HSD17B2: variants seen among roughly 807,000 people sequenced by gnomAD.
The protein encoded by HSD17B2 is hydroxysteroid 17-beta dehydrogenase 2, also known as 17-beta-hydroxysteroid dehydrogenase type 2.
A neutral mutation model predicts 26.9 loss-of-function variants in HSD17B2; 32 were observed. That is an observed-to-expected ratio of 1.19 (90% CI 0.90 to 1.60). The LOEUF is 1.60. Among genes scored for constraint, HSD17B2 ranks in the 40% most tolerant of loss-of-function variants. HSD17B2 has a pLI of 0.00. For synonymous variants in HSD17B2, 246 were observed against 186.7 expected (o/e 1.32, Z -2.59); for missense variants, 613 against 468.6 (o/e 1.31, Z -2.85).
intron 1 of HSD17B2, among the ~76,000 whole-genome samples, chr16:82,057,422 T>C (rs9929854): frequency 0.16 from 23,644 of 152,036 alleles, 5,377 homozygotes; most frequent in African/African-American, 0.5. Context: ...TGCTCTCGAT[T>C]TCCTGACCTC....
At chr16:82,045,583 G>A (rs188373602) in intron 1 of HSD17B2, among the ~76,000 whole-genome samples, 13 of 152,308 alleles carry the variant, frequency 8.5e-5, no homozygotes, top group African/African-American at 2.4e-4. Flanking sequence ...GAATATAGGC[G>A]ATGAGAGTTC....
chr16:82,054,821 AT>A (rs968167660), intron 1 of HSD17B2, among the ~76,000 whole-genome samples: 4 of 152,038 alleles, frequency 2.6e-5, no homozygotes, highest in African/African-American at 7.2e-5. Flanking sequence ...AAATATTTCT[AT>A]TTTTTTTAAA....
At chr16:82,046,462 C>T (rs572599284) in intron 1 of HSD17B2, among the ~76,000 whole-genome samples, 1 of 152,148 alleles carries the variant, frequency 6.6e-6, no homozygotes, top group East Asian at 1.9e-4. Flanking sequence ...GTGGCTCACG[C>T]CTGTAATCCC....
chr16:82,053,106 C>T (rs1914157839), intron 1 of HSD17B2, among the ~76,000 whole-genome samples: 1 of 152,250 alleles, frequency 6.6e-6, no homozygotes, highest in Non-Finnish European at 1.5e-5. Context: ...GTTTACTACA[C>T]ATGAAATTTG....
chr16:82,079,379 A>G (rs1904325962), intron 3 of HSD17B2, among the ~76,000 whole-genome samples: 1 of 152,194 alleles, frequency 6.6e-6, no homozygotes, highest in Admixed American at 6.5e-5. Flanking sequence ...CTCGGCTTTC[A>G]GATGACTACC....
At chr16:82,065,088 G>A (rs567207193) in intron 1 of HSD17B2, among the ~76,000 whole-genome samples, 14 of 152,200 alleles carry the variant, frequency 9.2e-5, no homozygotes, top group Non-Finnish European at 1.9e-4. Context: ...AGGGGAAGCT[G>A]GGAAGCTCTC....
intron 1 of HSD17B2, among the ~76,000 whole-genome samples, chr16:82,066,859 C>G (rs147948516): frequency 9.0e-4 from 137 of 152,044 alleles, no homozygotes; most frequent in Non-Finnish European, 1.7e-3. Context: ...TTTTGTGTAC[C>G]GTAATTTAGG....
chr16:82,076,320 T>C (rs534112813), intron 3 of HSD17B2, among the ~76,000 whole-genome samples: 27 of 152,258 alleles, frequency 1.8e-4, no homozygotes, highest in African/African-American at 6.0e-4. Context: ...TCCTCTAAGA[T>C]CTAGAACACG....
intron 3 of HSD17B2, among the ~76,000 whole-genome samples, chr16:82,087,819 A>G (rs1400838191): frequency 6.6e-6 from 1 of 152,098 alleles, no homozygotes; most frequent in Non-Finnish European, 1.5e-5. Context: ...CAGAAGGTGG[A>G]AGGGCAAGAG....
chr16:82,089,914 A>G (rs933458313), intron 3 of HSD17B2, among the ~76,000 whole-genome samples: 1 of 151,910 alleles, frequency 6.6e-6, no homozygotes, highest in African/African-American at 2.4e-5. Context: ...CAAGTGGATC[A>G]CTCCCTTTCT....
In HSD17B2 at chr16:82,098,140, G is replaced by C; in HGVS notation, c.868G>C (p.Glu290Gln). Residue 290 changes from glutamate to glutamine, a missense_variant, in exon 5 of 5, where the codon GAG (glutamate) becomes CAG (glutamine). Physicochemically the swap from Glu to Gln is conservative, Grantham distance 29. Coordinates refer to ENST00000199936, the MANE Select transcript of HSD17B2 (RefSeq NM_002153.3). Reference protein sequence around the residue: ...EKDILDHLPAEVQEDYGQDYI... With the variant: ...EKDILDHLPAQVQEDYGQDYI... ...GGACATTCTGGACCACCTCCCCGCT[G>C]AGGTACAGGAAGACTACGGCCAGGA... The C allele has an allele frequency of 6.2e-7, 1 of 1,614,042 alleles. No individual in the cohort carries two copies. Among genetic ancestry groups the C allele is most frequent in the Non-Finnish European group, 8.5e-7 (1 of 1,179,992 alleles).
At chr16:82,089,583 A>C (rs1259557862) in intron 3 of HSD17B2, among the ~76,000 whole-genome samples, 19 of 152,158 alleles carry the variant, frequency 1.2e-4, no homozygotes, top group Admixed American at 1.2e-3. Context: ...AGTGGCTTAA[A>C]ACATCAGAAA....
chr16:82,055,741 G>C (rs1013908826), intron 1 of HSD17B2, among the ~76,000 whole-genome samples: 1 of 152,192 alleles, frequency 6.6e-6, no homozygotes, highest in Admixed American at 6.5e-5. Context: ...GATGTGGTAA[G>C]AATGGAGCAG....
intron 1 of HSD17B2, among the ~76,000 whole-genome samples, chr16:82,055,914 T>C (rs1333424582): frequency 6.6e-6 from 1 of 152,204 alleles, no homozygotes; most frequent in Non-Finnish European, 1.5e-5. Flanking sequence ...GGTGATTTGA[T>C]TGAACAGTGT....
rs1904908906 is a variant in HSD17B2 at position 82,098,142 on chromosome 16, G to C, written c.870G>C (p.Glu290Asp). The C allele has an allele frequency of 6.2e-7, 1 of 1,614,020 alleles. No homozygotes were observed. Among genetic ancestry groups the C allele is most frequent in the Non-Finnish European group, 8.5e-7 (1 of 1,179,992 alleles). ...ACATTCTGGACCACCTCCCCGCTGA[G>C]GTACAGGAAGACTACGGCCAGGACT... Reference protein sequence around the residue: ...EKDILDHLPAEVQEDYGQDYI... With the variant: ...EKDILDHLPADVQEDYGQDYI... Residue 290 changes from glutamate to aspartate, a missense_variant, in exon 5 of 5, where the codon GAG (glutamate) becomes GAC (aspartate). Physicochemically the swap from Glu to Asp is conservative, Grantham distance 45. Coordinates refer to ENST00000199936, the MANE Select transcript of HSD17B2 (RefSeq NM_002153.3).
chr16:82,054,887 G>A (rs1018646597), intron 1 of HSD17B2, among the ~76,000 whole-genome samples: 3 of 152,074 alleles, frequency 2.0e-5, no homozygotes, highest in African/African-American at 2.4e-5. Flanking sequence ...GATATCTCTC[G>A]TCACATTTTA....
At chr16:82,040,903 T>A (rs965208261) in intron 1 of HSD17B2, among the ~76,000 whole-genome samples, 2 of 152,138 alleles carry the variant, frequency 1.3e-5, no homozygotes, top group East Asian at 3.8e-4. Flanking sequence ...AGCAACAAAG[T>A]GATGGTGGAT....
At chr16:82,087,108 C>G (rs1028544846) in intron 3 of HSD17B2, among the ~76,000 whole-genome samples, 3 of 152,118 alleles carry the variant, frequency 2.0e-5, no homozygotes, top group African/African-American at 7.2e-5. Context: ...TTGGGAAACA[C>G]AAACATTAAG....
At chr16:82,042,858 T>C (rs1913803691) in intron 1 of HSD17B2, among the ~76,000 whole-genome samples, 1 of 152,150 alleles carries the variant, frequency 6.6e-6, no homozygotes, top group Non-Finnish European at 1.5e-5. Flanking sequence ...TGAACTCAGC[T>C]AATCCACCTG....
Sources: allele counts gnomAD v4.1 joint callset (sites outside exome capture counted in the v4.1 genomes callset), GRCh38; gene constraint gnomAD v4.1.1; transcripts MANE v1.5; gene names NCBI Gene and HGNC (gene_info 2026-07-23, HGNC 2026-07-21).